The following AQR variants were observed in gnomAD, a reference collection of about 807,000 sequenced individuals.
The protein encoded by AQR is aquarius intron-binding spliceosomal factor, also known as RNA helicase aquarius.
AQR carries 61 observed loss-of-function variants against 180.5 expected under a neutral mutation model. The ratio of observed to expected loss-of-function variants is 0.34; its 90% CI spans 0.28 to 0.42. AQR has a LOEUF of 0.42. Ranked by LOEUF, AQR falls within the 10% of genes least tolerant of loss-of-function variation. AQR has a pLI of 1.00. For synonymous variants in AQR, 551 were observed against 588.8 expected (o/e 0.94, Z 0.93); for missense variants, 1,281 against 1,798.3 (o/e 0.71, Z 5.20).
At position 34,876,016 on chromosome 15, in the gene AQR, A is replaced by T. The variant is rs1347917410; in HGVS notation, c.3166-10T>A. The stretch of plus-strand genomic sequence containing the variant: ...TCAAAATGTTGTCATACTAAGAAAG[A>T]GGAAATCTTGTCATAAAGACAGCTT... On this transcript the variant is annotated splice_polypyrimidine_tract_variant and intron_variant, in intron 27 of 34. Transcript: ENST00000156471. 1 of 1,606,226 alleles carries T rather than the reference A, an allele frequency of 6.2e-7. No homozygotes were observed. Among genetic ancestry groups the T allele is most frequent in the East Asian group, 2.2e-5 (1 of 44,754 alleles).
chr15:34,952,838 C>G lies in AQR; in HGVS notation c.209+47G>C, dbSNP rs748961830. 3 of 1,326,056 alleles carry G rather than the reference C, an allele frequency of 2.3e-6. No individual in the cohort carries two copies. The Admixed American group carries it at 6.6e-5, about 29-fold the overall frequency. 82.1% of individuals were successfully genotyped at this position (1,326,056 alleles called of 1,614,324 possible). The stretch of plus-strand genomic sequence containing the variant: ...AATAACACAGAAAATTTAGCTAAAA[C>G]TGAAATCACATTATCTCTTTCATCA... On this transcript the variant is annotated intron_variant, in intron 4 of 34. Coordinates refer to ENST00000156471, the MANE Select transcript of AQR (RefSeq NM_014691.3).
chr15:34,936,025 T>C (rs1893938446), intron 9 of AQR, among the ~76,000 whole-genome samples: 1 of 152,236 alleles, frequency 6.6e-6, no homozygotes, highest in Non-Finnish European at 1.5e-5. Flanking sequence ...CATGGTGCTC[T>C]GGTGACTAAA....
intron 6 of AQR, chr15:34,943,124 T>G: frequency 6.2e-7 from 1 of 1,611,706 alleles, no homozygotes; most frequent in Non-Finnish European, 8.5e-7. Flanking sequence ...GTAAGAAGTG[T>G]GGCAAGCACC....
At chr15:34,967,668 C>T (rs2050317139) in intron 1 of AQR, among the ~76,000 whole-genome samples, 2 of 151,974 alleles carry the variant, frequency 1.3e-5, no homozygotes, top group South Asian at 2.1e-4. Flanking sequence ...TTCAAATAAA[C>T]GAAGTTCTGT....
chr15:34,957,402 T>C (rs1468391033), intron 3 of AQR, among the ~76,000 whole-genome samples: 1 of 151,848 alleles, frequency 6.6e-6, no homozygotes, highest in Non-Finnish European at 1.5e-5. Context: ...GTTACAGAAG[T>C]GTACTTGGAA....
chr15:34,962,598 G>A (rs766833182), intron 2 of AQR, among the ~76,000 whole-genome samples: 1 of 151,776 alleles, frequency 6.6e-6, no homozygotes, highest in Non-Finnish European at 1.5e-5. Flanking sequence ...GTAAAACCCC[G>A]TCTCTACTAA....
At chr15:34,906,092 ACTGT>A in intron 18 of AQR, among the ~76,000 whole-genome samples, 1 of 152,088 alleles carries the variant, frequency 6.6e-6, no homozygotes, top group Middle Eastern at 3.4e-3. Flanking sequence ...AAGTTCTGAA[ACTGT>A]CTGGGTGTGG....
At chr15:34,917,047 G>A (rs192310933) in intron 15 of AQR, among the ~76,000 whole-genome samples, 237 of 152,124 alleles carry the variant, frequency 1.6e-3, no homozygotes, top group African/African-American at 5.6e-3. Flanking sequence ...TTACCCGAAA[G>A]TAACTATTTT....
chr15:34,952,972 C>T, intron 3 of AQR, 52 bp from the exon 4 acceptor site: 1 of 1,095,192 alleles, frequency 9.1e-7, no homozygotes, highest in Admixed American at 2.7e-5. Flanking sequence ...ACAAACGTTT[C>T]AGAGTTATTA....
intron 27 of AQR, among the ~76,000 whole-genome samples, chr15:34,878,927 C>T (rs1373858410): frequency 6.6e-6 from 1 of 151,754 alleles, no homozygotes. Context: ...ACTTGGGAGG[C>T]TGAGGCAGGA....
chr15:34,882,651 AG>A lies in AQR; in HGVS notation c.3028-13del. ...GAGGCTCTGAATTCCTATGGAAACG[AG>A]GAGCAATGAAAGATAATTTTAGGAA... On this transcript the variant is annotated splice_polypyrimidine_tract_variant and intron_variant, in intron 26 of 34. Transcript: ENST00000156471. The A allele has an allele frequency of 6.3e-7, 1 of 1,592,950 alleles. No individual in the cohort carries two copies. The highest frequency in any genetic ancestry group is 8.5e-7 in the Non-Finnish European group (1 of 1,170,764).
intron 32 of AQR, among the ~76,000 whole-genome samples, chr15:34,865,418 C>T (rs1171815565): frequency 6.6e-6 from 1 of 152,084 alleles, no homozygotes; most frequent in Non-Finnish European, 1.5e-5. Context: ...CTGGCTCCAA[C>T]CCAATCACCC....
Position 34,884,405 on chromosome 15 carries a change from C to CA in AQR, c.3027+119dup, listed in dbSNP as rs201002431. On this transcript the variant is annotated intron_variant, in intron 26 of 34. Coordinates refer to ENST00000156471, the MANE Select transcript of AQR (RefSeq NM_014691.3). ...TGGGCAACAGGGCAAGACTCCGTCT[C>CA]AAAAAAAAACAAAAAAACAAAAAAA... is the stretch of plus-strand genomic sequence containing the variant. 9.0e-3 allele frequency: 7,810 copies of CA among 871,424 alleles called. 92 individuals carry two copies. The highest frequency in any genetic ancestry group is 0.064 in the African/African-American group (3,442 of 54,070). The allele number at this position is 871,424 out of a possible 1,614,324, so 54.0% of individuals were successfully genotyped here.
At chr15:34,934,840 G>A (rs185827234) in intron 9 of AQR, among the ~76,000 whole-genome samples, 2 of 152,108 alleles carry the variant, frequency 1.3e-5, no homozygotes, top group Non-Finnish European at 2.9e-5. Flanking sequence ...ACAAATATGA[G>A]AAAATAAAAG....
chr15:34,916,356 T>A (rs1893585390), intron 15 of AQR, among the ~76,000 whole-genome samples: 1 of 152,134 alleles, frequency 6.6e-6, no homozygotes, highest in Non-Finnish European at 1.5e-5. Context: ...AAGTGACCAC[T>A]GAGCTGCAAT....
chr15:34,919,906 A>AAAAC (rs199812759), intron 14 of AQR, among the ~76,000 whole-genome samples: 4 of 151,894 alleles, frequency 2.6e-5, no homozygotes, highest in Non-Finnish European at 4.4e-5. Flanking sequence ...TCAAAAAAAC[A>AAAAC]AAACAAACAA....
chr15:34,897,704 T>A lies in AQR; in HGVS notation c.2245A>T (p.Ile749Leu), dbSNP rs1488895572. ...TTTCCACTTCTTACTGGAAAAGTTA[T>A]CCTACAAGACCAAAACTTCTGTTCA... The part of the protein sequence containing the change: ...DPALQIPPFR[I>L]TFPVRSGKGK... Residue 749 changes from isoleucine to leucine, a missense_variant and splice_region_variant, in exon 21 of 35, where the codon ATA becomes TTA. Coordinates refer to ENST00000156471, the MANE Select transcript of AQR (RefSeq NM_014691.3). The A allele has an allele frequency of 6.2e-6, 10 of 1,613,744 alleles. No homozygotes were observed. Among genetic ancestry groups the A allele is most frequent in the Non-Finnish European group, 8.5e-6 (10 of 1,179,858 alleles).
chr15:34,882,356 G>T, intron 27 of AQR, 146 bp downstream of exon 27: 1 of 889,858 alleles, frequency 1.1e-6, no homozygotes, highest in Non-Finnish European at 1.5e-6. Flanking sequence ...TAGATTCAGA[G>T]TTCACTAATC....
chr15:34,950,576 CTT>C (rs895003215), intron 4 of AQR, among the ~76,000 whole-genome samples: 3 of 125,706 alleles, frequency 2.4e-5, no homozygotes, highest in East Asian at 4.9e-4. Context: ...TTTTTAGTAT[CTT>C]GTTTCTTTCT....
Sources: gnomAD v4.1 joint callset for allele counts (sites outside exome capture counted in the v4.1 genomes callset) on GRCh38, gnomAD v4.1.1 for gene constraint, MANE v1.5 for transcripts, NCBI Gene and HGNC (gene_info 2026-07-23, HGNC 2026-07-21) for gene names.